Variants in UBXN2A observed in about 807,000 individuals in gnomAD.
UBXN2A encodes the protein UBX domain-containing protein 2A.
Under a neutral mutation model 28.4 loss-of-function variants are expected in UBXN2A, and 28 were observed. The ratio of observed to expected loss-of-function variants is 0.99; its 90% CI spans 0.73 to 1.35. The LOEUF (loss-of-function observed/expected upper bound fraction) is 1.35. Among genes scored for constraint, UBXN2A ranks in the 40% most tolerant of loss-of-function variants. The pLI, the probability that UBXN2A is intolerant of heterozygous loss-of-function variation, is 0.00. For missense variants in UBXN2A, 253 were observed against 297.9 expected (o/e 0.85, Z 1.11); for synonymous variants, 97 against 103.6 (o/e 0.94, Z 0.39).
At chr2:23,941,501 G>A (rs1262817925) in intron 1 of UBXN2A, among the ~76,000 whole-genome samples, 1 of 152,124 alleles carries the variant, frequency 6.6e-6, no homozygotes, top group African/African-American at 2.4e-5. Flanking sequence ...TGTGCAGGAG[G>A]GAGTGGTTAA....
At chr2:23,972,066 T>G (rs938988175) in intron 3 of UBXN2A, among the ~76,000 whole-genome samples, 3 of 152,066 alleles carry the variant, frequency 2.0e-5, no homozygotes, top group African/African-American at 7.2e-5. Context: ...ACCACTGCAC[T>G]CCAGCCTGGG....
At chr2:23,954,210 C>CT (rs769903228) in intron 1 of UBXN2A, among the ~76,000 whole-genome samples, 10 of 152,252 alleles carry the variant, frequency 6.6e-5, no homozygotes, top group Admixed American at 4.6e-4. Flanking sequence ...CTCTGTCCTA[C>CT]TTTCTGTCTT....
At chr2:23,963,359 A>G (rs1049267553) in intron 2 of UBXN2A, among the ~76,000 whole-genome samples, 1 of 151,994 alleles carries the variant, frequency 6.6e-6, no homozygotes, top group African/African-American at 2.4e-5. Context: ...TACTAAAAAT[A>G]CAAAAAGTAG....
intron 2 of UBXN2A, among the ~76,000 whole-genome samples, chr2:23,964,453 G>A (rs996664914): frequency 6.6e-6 from 1 of 152,072 alleles, no homozygotes; most frequent in South Asian, 2.1e-4. Flanking sequence ...CAAGTGATCC[G>A]CCTGCCTCGA....
intron 1 of UBXN2A, among the ~76,000 whole-genome samples, chr2:23,955,591 A>G (rs925655356): frequency 2.6e-5 from 4 of 152,216 alleles, no homozygotes; most frequent in African/African-American, 9.6e-5. Flanking sequence ...TATTTACACA[A>G]ACCTGATGTT....
intron 2 of UBXN2A, among the ~76,000 whole-genome samples, chr2:23,962,737 C>G (rs1253306206): frequency 6.6e-6 from 1 of 151,576 alleles, no homozygotes; most frequent in East Asian, 1.9e-4. Context: ...TCCCTAGTAG[C>G]TGGAATTACA....
In UBXN2A at chr2:24,004,384, G is replaced by A. The variant is rs1369376830; in HGVS notation, c.*4517G>A. 4.6e-5 allele frequency: 7 copies of A among 152,248 alleles called. No individual in the cohort carries two copies. The highest frequency in any genetic ancestry group is 1.9e-4 in the East Asian group (1 of 5,186). 9.4% of individuals were successfully genotyped at this position (152,248 alleles called of 1,614,324 possible). On this transcript the variant is annotated 3_prime_UTR_variant, in exon 7 of 7. Coordinates refer to ENST00000309033, the MANE Select transcript of UBXN2A (RefSeq NM_181713.4). ...AGAAATACATATCTAGGCCAGGCAC[G>A]GTGACTCATGCCTGCAATCCCAGCA...
intron 1 of UBXN2A, among the ~76,000 whole-genome samples, chr2:23,954,931 C>CTTTTT (rs35139100): frequency 8.3e-6 from 1 of 120,848 alleles, no homozygotes; most frequent in Non-Finnish European, 1.7e-5. Context: ...GCTTGCCTAC[C>CTTTTT]TTTTTTTTTT....
chr2:23,967,145 AC>A (rs1171175588), intron 2 of UBXN2A, among the ~76,000 whole-genome samples: 2 of 151,886 alleles, frequency 1.3e-5, no homozygotes, highest in African/African-American at 2.4e-5. Flanking sequence ...ACTCCACTCT[AC>A]CCTGAACCTC....
At chr2:23,985,240 G>GC (rs1284951227) in intron 6 of UBXN2A, among the ~76,000 whole-genome samples, 1 of 151,594 alleles carries the variant, frequency 6.6e-6, no homozygotes, top group African/African-American at 2.4e-5. Flanking sequence ...ATCCTGCCAA[G>GC]CATTTTATTT....
At chr2:23,973,085 T>C (rs1707486275) in intron 3 of UBXN2A, among the ~76,000 whole-genome samples, 1 of 152,006 alleles carries the variant, frequency 6.6e-6, no homozygotes, top group South Asian at 2.1e-4. Context: ...AATGGCACGA[T>C]CTCAGCTCAC....
intron 6 of UBXN2A, among the ~76,000 whole-genome samples, chr2:23,998,823 G>A (rs1239661771): frequency 2.6e-5 from 4 of 151,968 alleles, no homozygotes; most frequent in African/African-American, 4.8e-5. Context: ...TTCGTCTCCC[G>A]CGATCAACCT....
chr2:23,978,059 C>T (rs1222359675), intron 4 of UBXN2A, among the ~76,000 whole-genome samples: 1 of 151,996 alleles, frequency 6.6e-6, no homozygotes, highest in African/African-American at 2.4e-5. Context: ...AACTCCTGAC[C>T]TCAAGTGATC....
chr2:24,002,718 CTT>C lies in UBXN2A; in HGVS notation c.*2852_*2853del, dbSNP rs1250654996. On this transcript the variant is annotated 3_prime_UTR_variant, in exon 7 of 7. Coordinates refer to ENST00000309033, the MANE Select transcript of UBXN2A (RefSeq NM_181713.4). ...AGCCACTGTGCCCAGCCAATAATAA[CTT>C]ATAAAACATGAAACGATTTAGTGAG... 6.6e-6 allele frequency: 1 copy of C among 152,004 alleles called. No homozygotes were observed. The highest frequency in any genetic ancestry group is 6.6e-5 in the Admixed American group (1 of 15,240). 9.4% of individuals were successfully genotyped at this position (152,004 alleles called of 1,614,324 possible).
chr2:24,000,063 A>C lies in UBXN2A; in HGVS notation c.*196A>C. 9.3e-6 allele frequency: 5 copies of C among 539,994 alleles called. No individual in the cohort carries two copies. The highest frequency in any genetic ancestry group is 3.2e-6 in the Non-Finnish European group (1 of 312,068). 33.5% of individuals were successfully genotyped at this position (539,994 alleles called of 1,614,324 possible). On this transcript the variant is annotated 3_prime_UTR_variant, in exon 7 of 7. Coordinates refer to ENST00000309033, the MANE Select transcript of UBXN2A (RefSeq NM_181713.4). ...TATGACTGGAAACTATATTCAGTGC[A>C]CTTTCTCCAAAAGACTACCCAGAAA...
At chr2:23,940,382 G>T (rs1180495669), upstream of UBXN2A, 3 of 150,974 alleles carry the variant, frequency 2.0e-5, no homozygotes, top group Non-Finnish European at 4.4e-5. Flanking sequence ...TGAAGCGCCC[G>T]GCCGCGGCAA....
At chr2:23,941,442 C>T (rs1705752692) in intron 1 of UBXN2A, among the ~76,000 whole-genome samples, 1 of 152,070 alleles carries the variant, frequency 6.6e-6, no homozygotes, top group Non-Finnish European at 1.5e-5. Context: ...TTTTATAACA[C>T]TAATGTTAGT....
chr2:23,960,831 C>T (rs1706870613), intron 2 of UBXN2A, among the ~76,000 whole-genome samples: 1 of 152,106 alleles, frequency 6.6e-6, no homozygotes, highest in South Asian at 2.1e-4. Flanking sequence ...GATGGGGTTT[C>T]ACCATATTGG....
chr2:23,993,665 A>T (rs899624695), intron 6 of UBXN2A, among the ~76,000 whole-genome samples: 1 of 149,976 alleles, frequency 6.7e-6, no homozygotes, highest in Non-Finnish European at 1.5e-5. Flanking sequence ...TATGCTTAGT[A>T]TCTCTTAAAT....
Sources: allele counts gnomAD v4.1 joint callset (sites outside exome capture counted in the v4.1 genomes callset), GRCh38; gene constraint gnomAD v4.1.1; transcripts MANE v1.5; gene names NCBI Gene and HGNC (gene_info 2026-07-23, HGNC 2026-07-21).